Variants in RALYL observed in about 807,000 individuals in gnomAD.
RALYL encodes the protein RNA-binding Raly-like protein.
Under a neutral mutation model 35.1 loss-of-function variants are expected in RALYL, and 29 were observed. That is an observed-to-expected ratio of 0.83 (90% confidence interval 0.61 to 1.13). The LOEUF is 1.13. RALYL is among the 50% of genes most tolerant of loss of function. RALYL has a pLI of 0.00. For missense variants in RALYL, 359 were observed against 360.4 expected, an observed-to-expected ratio of 1.00 and a Z score of 0.03; for synonymous variants, 120 against 127.6, an observed-to-expected ratio of 0.94 and a Z score of 0.40.
chr8:84,678,919 A>G (rs1422988288), intron 2 of RALYL: 1 of 224,348 alleles, frequency 4.5e-6, no homozygotes, highest in Non-Finnish European at 9.2e-6. Context: ...CAGAGCACTT[A>G]TTCTAGGCAG....
chr8:84,788,559 A>G (rs16919786), intron 3 of RALYL, among the ~76,000 whole-genome samples: 5,312 of 152,286 alleles, frequency 0.035, 327 homozygotes, highest in African/African-American at 0.12. Context: ...AAGCAAAGCC[A>G]GTGAAACACA....
chr8:84,236,437 T>C (rs12678170), intron 1 of RALYL, among the ~76,000 whole-genome samples: 30,193 of 152,110 alleles, frequency 0.2, 3,256 homozygotes, highest in East Asian at 0.38. Flanking sequence ...GGAAGGGTTC[T>C]GTGGGGTTCC....
intron 1 of RALYL, among the ~76,000 whole-genome samples, chr8:84,509,364 C>A (rs180796391): frequency 7.9e-5 from 12 of 152,238 alleles, no homozygotes; most frequent in Non-Finnish European, 4.4e-5. Context: ...CTTGTCAAAT[C>A]CTCCAATATT....
intron 2 of RALYL, among the ~76,000 whole-genome samples, chr8:84,724,762 G>A (rs1844630989): frequency 2.6e-5 from 4 of 151,536 alleles, no homozygotes; most frequent in African/African-American, 9.7e-5. Context: ...GATTTTGTAG[G>A]CAAATTTCTC....
intron 1 of RALYL, among the ~76,000 whole-genome samples, chr8:84,527,728 A>G (rs1265646846): frequency 1.3e-5 from 2 of 152,162 alleles, no homozygotes; most frequent in East Asian, 3.9e-4. Context: ...CTTCAACTCT[A>G]CTTTGAATAA....
intron 6 of RALYL, among the ~76,000 whole-genome samples, chr8:84,869,734 CAGTT>C (rs1839853005): frequency 6.6e-6 from 1 of 152,156 alleles, no homozygotes; most frequent in Non-Finnish European, 1.5e-5. Context: ...CGGATCTAGA[CAGTT>C]AGCTGAAACT....
chr8:84,717,045 T>G (rs1474533790), intron 2 of RALYL, among the ~76,000 whole-genome samples: 2 of 151,994 alleles, frequency 1.3e-5, no homozygotes, highest in African/African-American at 4.8e-5. Context: ...AAATTAGCCA[T>G]GCATGATGGC....
chr8:84,448,654 C>G (rs1320429275), intron 1 of RALYL, among the ~76,000 whole-genome samples: 1 of 152,034 alleles, frequency 6.6e-6, no homozygotes, highest in South Asian at 2.1e-4. Context: ...GGATCCTTGA[C>G]TCTAGTTAGG....
rs759464988 is a variant in RALYL at position 84,426,424 on chromosome 8, TTC to T, written c.-23-102861_-23-102860del. Among the ~76,000 whole-genome samples the T allele has an allele frequency of 9.6e-3, 1,386 of 143,754 alleles. 22 individuals carry two copies. The highest frequency in any genetic ancestry group is 0.031 in the African/African-American group (1,209 of 39,072). 94.3% of individuals were successfully genotyped at this position (143,754 alleles called of 152,430 possible). A position where few individuals can be genotyped will look rare whatever the true frequency, so the allele number is the denominator to read the frequency against. ...TGCCCCTTGTAACTACTCTTTTGCG[TTC>T]TCTCTCTCTCTCTGTGTGTGTGTGT... On this transcript the variant is annotated intron_variant, in intron 1 of 8. Transcript: ENST00000521268.
intron 1 of RALYL, among the ~76,000 whole-genome samples, chr8:84,324,463 T>A (rs1367774814): frequency 6.6e-6 from 1 of 152,076 alleles, no homozygotes; most frequent in African/African-American, 2.4e-5. Flanking sequence ...GGAGTTCTTT[T>A]GAAGAATGCA....
intron 1 of RALYL, among the ~76,000 whole-genome samples, chr8:84,248,570 T>C (rs1043473516): frequency 6.6e-6 from 1 of 152,138 alleles, no homozygotes; most frequent in Non-Finnish European, 1.5e-5. Flanking sequence ...TTAGTCATCT[T>C]GTATTCTCCA....
chr8:84,703,093 G>C (rs949729588), intron 2 of RALYL, among the ~76,000 whole-genome samples: 5 of 151,916 alleles, frequency 3.3e-5, no homozygotes, highest in African/African-American at 1.2e-4. Context: ...GGTTCCCCAG[G>C]TTCCACTTTC....
intron 6 of RALYL, among the ~76,000 whole-genome samples, chr8:84,870,655 G>T (rs1006988802): frequency 6.6e-6 from 1 of 151,898 alleles, no homozygotes; most frequent in Admixed American, 6.6e-5. Flanking sequence ...AATTCACTGT[G>T]CAGGAGAGAA....
intron 2 of RALYL, among the ~76,000 whole-genome samples, chr8:84,541,129 TTTC>T (rs2059992187): frequency 6.6e-6 from 1 of 151,942 alleles, no homozygotes; most frequent in African/African-American, 2.4e-5. Flanking sequence ...TCCTTTTTTT[TTTC>T]TTCTACACTT....
At chr8:84,445,862 TATA>T (rs1250160841) in intron 1 of RALYL, among the ~76,000 whole-genome samples, 1 of 151,424 alleles carries the variant, frequency 6.6e-6, no homozygotes, top group Non-Finnish European at 1.5e-5. Context: ...TATAATTTTA[TATA>T]ATAATGTAAT....
At chr8:84,276,747 G>C (rs2132022756) in intron 1 of RALYL, among the ~76,000 whole-genome samples, 1 of 152,280 alleles carries the variant, frequency 6.6e-6, no homozygotes, top group African/African-American at 2.4e-5. Context: ...ATTTAAGTTG[G>C]ACTAAATTTG....
chr8:84,308,178 T>G (rs117135960), intron 1 of RALYL, among the ~76,000 whole-genome samples: 2,764 of 149,548 alleles, frequency 0.018, 37 homozygotes, highest in South Asian at 0.031. Context: ...AAAAGGAACA[T>G]AAAAGACAAA....
chr8:84,445,848 T>C (rs1486513841), intron 1 of RALYL, among the ~76,000 whole-genome samples: 3 of 151,456 alleles, frequency 2.0e-5, no homozygotes, highest in African/African-American at 7.2e-5. Flanking sequence ...CAAGTAAAGT[T>C]ATATATAATT....
intron 1 of RALYL, among the ~76,000 whole-genome samples, chr8:84,426,549 T>G (rs1304156404): frequency 6.6e-6 from 1 of 151,800 alleles, no homozygotes; most frequent in African/African-American, 2.4e-5. Flanking sequence ...ATAAGCATAA[T>G]GTACTCCAGG....
Sources: gnomAD v4.1 joint callset for allele counts (sites outside exome capture counted in the v4.1 genomes callset) on GRCh38, gnomAD v4.1.1 for gene constraint, MANE v1.5 for transcripts, NCBI Gene and HGNC (gene_info 2026-07-23, HGNC 2026-07-21) for gene names.